The following APPL1 variants were observed in gnomAD, a reference collection of about 807,000 sequenced individuals.
APPL1 encodes adaptor protein, phosphotyrosine interacting with PH domain and leucine zipper 1, also known as DCC-interacting protein 13-alpha.
APPL1 carries 42 observed loss-of-function variants against 106.8 expected under a neutral mutation model. The observed-to-expected ratio is 0.39, with a 90% CI of 0.31 to 0.51. APPL1 has a LOEUF of 0.51. APPL1 is among the 20% of genes least tolerant of loss of function. The probability of loss-of-function intolerance (pLI) is 0.75; values close to 1 mark genes in which losing one functional copy is unlikely to be tolerated. For missense variants in APPL1, 769 were observed against 858.2 expected (o/e 0.90, Z 1.30); for synonymous variants, 263 against 281.8 (o/e 0.93, Z 0.67).
chr3:57,229,960 C>T (rs759101535), intron 1 of APPL1, among the ~76,000 whole-genome samples: 1 of 152,056 alleles, frequency 6.6e-6, no homozygotes, highest in South Asian at 2.1e-4. Flanking sequence ...GTGATCTGCC[C>T]GCCTTGGCCT....
intron 5 of APPL1, among the ~76,000 whole-genome samples, chr3:57,241,705 T>C (rs914404376): frequency 1.3e-5 from 2 of 152,356 alleles, no homozygotes; most frequent in African/African-American, 2.4e-5. Context: ...AGATCTCTTT[T>C]CTTCAGTGTA....
chr3:57,258,996 C>G (rs772241961), intron 15 of APPL1, 32 bp from the exon 16 acceptor site: 4 of 1,549,736 alleles, frequency 2.6e-6, no homozygotes, highest in Non-Finnish European at 3.6e-6. Flanking sequence ...GGTAACTGAC[C>G]ATGTGTTCAT....
At position 57,247,439 on chromosome 3, in the gene APPL1, G is replaced by A; in HGVS notation, c.666G>A (p.Leu222=). The change falls in exon 9 of 22, where the codon CTG becomes CTA. Residue 222 remains leucine, a synonymous_variant. Transcript: ENST00000288266. ...GTTCTGAAAATCTTAATGAACAACTGGAAGAATTTTTAGCTAATATTGGAA... is the reference window on the plus strand; with the variant it reads ...GTTCTGAAAATCTTAATGAACAACTAGAAGAATTTTTAGCTAATATTGGAA... ...KMGSENLNEQ[L]EEFLANIGTS... 2 of 1,611,356 alleles carry A rather than the reference G, an allele frequency of 1.2e-6. No individual in the cohort carries two copies. The highest frequency in any genetic ancestry group is 1.1e-5 in the South Asian group (1 of 90,746).
At chr3:57,254,904 C>T (rs1179488292) in intron 13 of APPL1, among the ~76,000 whole-genome samples, 1 of 152,220 alleles carries the variant, frequency 6.6e-6, no homozygotes, top group Admixed American at 6.5e-5. Flanking sequence ...GGATTACAGG[C>T]GTGAGCCACC....
intron 10 of APPL1, among the ~76,000 whole-genome samples, 172 bp downstream of exon 10, chr3:57,248,523 T>C (rs1309354447): frequency 6.6e-6 from 1 of 152,246 alleles, no homozygotes; most frequent in Non-Finnish European, 1.5e-5. Flanking sequence ...TGAATACTTT[T>C]CAGAAGTAAA....
intron 19 of APPL1, among the ~76,000 whole-genome samples, chr3:57,263,213 A>G (rs1045415217): frequency 6.6e-6 from 1 of 152,190 alleles, no homozygotes; most frequent in Non-Finnish European, 1.5e-5. Flanking sequence ...CGTAATAACC[A>G]CATCATGGAA....
At chr3:57,235,768 A>T (rs757785682) in intron 2 of APPL1, 104 bp downstream of exon 2, 6 of 706,952 alleles carry the variant, frequency 8.5e-6, no homozygotes, top group Non-Finnish European at 1.4e-5. Context: ...GCCCTGTGTT[A>T]GGCTCATAGT....
chr3:57,265,990 A>ATTGATGTGATGTGATGTTGAT (rs2060892789), intron 19 of APPL1, among the ~76,000 whole-genome samples: 3 of 152,224 alleles, frequency 2.0e-5, no homozygotes, highest in Non-Finnish European at 4.4e-5. Context: ...GATGTGATGT[A>ATTGATGTGATGTGATGTTGAT]GCATATTGAT....
intron 5 of APPL1, among the ~76,000 whole-genome samples, chr3:57,241,414 T>C (rs1005333920): frequency 6.6e-6 from 1 of 152,202 alleles, no homozygotes; most frequent in African/African-American, 2.4e-5. Context: ...TTGGTTTTGC[T>C]TTCCCATAAC....
chr3:57,263,323 A>T (rs777082225), intron 19 of APPL1, among the ~76,000 whole-genome samples: 14 of 151,896 alleles, frequency 9.2e-5, no homozygotes, highest in Non-Finnish European at 2.1e-4. Context: ...TATTGACCGT[A>T]GTCCCCCGTT....
At chr3:57,236,556 G>T (rs1321523209) in intron 2 of APPL1, among the ~76,000 whole-genome samples, 1 of 152,072 alleles carries the variant, frequency 6.6e-6, no homozygotes, top group East Asian at 1.9e-4. Flanking sequence ...TCGAACTCCT[G>T]ACCTCAGGTG....
chr3:57,233,093 T>C (rs1281522210), intron 1 of APPL1, among the ~76,000 whole-genome samples: 1 of 152,212 alleles, frequency 6.6e-6, no homozygotes, highest in East Asian at 1.9e-4. Context: ...ATGATGCTTA[T>C]ATTTGTTATG....
chr3:57,259,037 T>G lies in APPL1; in HGVS notation c.1440T>G (p.Asn480Lys). 2 of 1,612,788 alleles carry G rather than the reference T, an allele frequency of 1.2e-6. No homozygotes were observed. The highest frequency in any genetic ancestry group is 1.7e-6 in the Non-Finnish European group (2 of 1,179,350). The change falls in exon 16 of 22, where the codon AAT becomes AAG. Residue 480 changes from asparagine to lysine, a missense_variant. Transcript: ENST00000288266. ...CTTCTAAACTTTTTAGGCGTACAAA[T>G]CCATTTGGAGAATCTGGAGGAAGTA... ...KAFGQGGRRT[N>K]PFGESGGSTK...
chr3:57,256,027 C>G (rs2060833437), intron 13 of APPL1, among the ~76,000 whole-genome samples: 1 of 152,088 alleles, frequency 6.6e-6, no homozygotes. Context: ...CACAGAAGTG[C>G]AAAATTGTTA....
At chr3:57,264,286 T>G (rs1340755257) in intron 19 of APPL1, among the ~76,000 whole-genome samples, 25 of 152,322 alleles carry the variant, frequency 1.6e-4, no homozygotes, top group African/African-American at 5.8e-4. Flanking sequence ...TATTAATCCC[T>G]TGTCAGATGA....
At chr3:57,235,689 T>C in intron 2 of APPL1, 25 bp downstream of exon 2, 1 of 1,550,582 alleles carries the variant, frequency 6.4e-7, no homozygotes, top group Non-Finnish European at 8.9e-7. Flanking sequence ...ACTAACTTGA[T>C]GCTTTTAAAA....
chr3:57,243,988 A>T (rs1051151169), intron 7 of APPL1, among the ~76,000 whole-genome samples: 1 of 152,140 alleles, frequency 6.6e-6, no homozygotes, highest in Non-Finnish European at 1.5e-5. Context: ...ATTGAAGGCT[A>T]CCTGTGTGAA....
At chr3:57,256,166 G>A (rs1282379421) in intron 13 of APPL1, among the ~76,000 whole-genome samples, 1 of 152,118 alleles carries the variant, frequency 6.6e-6, no homozygotes, top group South Asian at 2.1e-4. Context: ...CCATAATCAT[G>A]CCATTGCACG....
At chr3:57,253,463 A>G (rs1316535837) in intron 12 of APPL1, among the ~76,000 whole-genome samples, 2 of 151,928 alleles carry the variant, frequency 1.3e-5, no homozygotes, top group East Asian at 3.8e-4. Flanking sequence ...GCTTTTATAT[A>G]TATTTATATA....
Sources: gnomAD v4.1 joint callset for allele counts (sites outside exome capture counted in the v4.1 genomes callset) on GRCh38, gnomAD v4.1.1 for gene constraint, MANE v1.5 for transcripts, NCBI Gene and HGNC (gene_info 2026-07-23, HGNC 2026-07-21) for gene names.